Variants in TRAK2 observed in about 807,000 individuals in gnomAD.
The protein encoded by TRAK2 is trafficking kinesin-binding protein 2.
In TRAK2, 81 loss-of-function variants were observed where a neutral mutation model predicts 104.6. The observed-to-expected ratio is 0.77, with a 90% CI of 0.65 to 0.93. The LOEUF (loss-of-function observed/expected upper bound fraction) is 0.93. Ranked by LOEUF, TRAK2 falls within the 40% of genes least tolerant of loss-of-function variation. The pLI, the probability that TRAK2 is intolerant of heterozygous loss-of-function variation, is 0.00. For missense variants in TRAK2, 1,002 were observed against 1,089.0 expected (o/e 0.92, Z 1.12); for synonymous variants, 406 against 394.4 (o/e 1.03, Z -0.35).
At chr2:201,407,630 T>C in intron 2 of TRAK2, 33 bp from the exon 3 acceptor site, 1 of 1,550,354 alleles carries the variant, frequency 6.5e-7, no homozygotes, top group Non-Finnish European at 8.7e-7. Flanking sequence ...ATGAATCCAA[T>C]ATATTTCAAC....
At position 201,418,064 on chromosome 2, in the gene TRAK2, A is replaced by G. The variant is rs1951708762; in HGVS notation, c.91+2353T>C. On this transcript the variant is annotated intron_variant, in intron 2 of 15. Coordinates refer to ENST00000332624, the MANE Select transcript of TRAK2 (RefSeq NM_015049.3). ...TTAAAGAGGACCTAAGTAAATGGAGATATATATCAAGTTTATGGATTAGGA... is the reference window on the plus strand; with the variant it reads ...TTAAAGAGGACCTAAGTAAATGGAGGTATATATCAAGTTTATGGATTAGGA... Among the ~76,000 whole-genome samples, 3 of 152,338 alleles carry G rather than the reference A, an allele frequency of 2.0e-5. No individual in the cohort carries two copies. In the South Asian group the frequency reaches 6.2e-4, roughly 32 times the overall value.
chr2:201,380,907 G>A lies in TRAK2; in HGVS notation c.2381C>T (p.Pro794Leu), dbSNP rs764123220. The A allele has an allele frequency of 2.5e-6, 4 of 1,614,110 alleles. No individual in the cohort carries two copies. Among genetic ancestry groups the A allele is most frequent in the Non-Finnish European group, 2.5e-6 (3 of 1,180,002 alleles). The change falls in exon 16 of 16, where the codon CCT becomes CTT. Residue 794 changes from proline (P) to leucine (L), a missense_variant. Coordinates refer to ENST00000332624, the MANE Select transcript of TRAK2 (RefSeq NM_015049.3). ...SPCPSPLPFE[P>L]RVHLSENFLA... ...AAAATTTTCAGAGAGATGCACTCGAGGCTCAAAGGGTAAAGGAGAAGGGCA... is the reference window on the plus strand; with the variant it reads ...AAAATTTTCAGAGAGATGCACTCGAAGCTCAAAGGGTAAAGGAGAAGGGCA...
chr2:201,390,231 T>G (rs1951433056), intron 10 of TRAK2, among the ~76,000 whole-genome samples: 1 of 151,792 alleles, frequency 6.6e-6, no homozygotes, highest in African/African-American at 2.4e-5. Context: ...TTTCTGTAAT[T>G]TCTAGCTTTT....
intron 11 of TRAK2, 23 bp downstream of exon 11, chr2:201,389,778 C>G: frequency 6.3e-7 from 1 of 1,574,982 alleles, no homozygotes; most frequent in Non-Finnish European, 8.6e-7. Context: ...GATTGAGTAA[C>G]AACACATGTG....
At chr2:201,389,941 A>C in intron 10 of TRAK2, 61 bp from the exon 11 acceptor site, 3 of 1,267,850 alleles carry the variant, frequency 2.4e-6, no homozygotes, top group African/African-American at 3.0e-5. Flanking sequence ...CAGAGTCTCT[A>C]CAATCCTATA....
At chr2:201,393,794 G>A (rs1050046390) in intron 9 of TRAK2, among the ~76,000 whole-genome samples, 8 of 152,114 alleles carry the variant, frequency 5.3e-5, no homozygotes, top group Non-Finnish European at 1.2e-4. Context: ...GTTGCCCAGG[G>A]TTGAGTGCAG....
At chr2:201,386,510 G>A (rs961619894) in intron 13 of TRAK2, 26 bp from the exon 14 acceptor site, 8 of 1,608,366 alleles carry the variant, frequency 5.0e-6, no homozygotes, top group Non-Finnish European at 6.8e-6. Context: ...AAAGGAAGGG[G>A]AAAGGCATGT....
chr2:201,398,080 T>C, intron 6 of TRAK2, 65 bp downstream of exon 6: 2 of 1,464,230 alleles, frequency 1.4e-6, no homozygotes, highest in East Asian at 2.3e-5. Context: ...TTCACCTCAA[T>C]AGTACCTGGA....
In TRAK2 at chr2:201,395,357, G is replaced by A. The variant is rs1951492300; in HGVS notation, c.857C>T (p.Ser286Phe). Residue 286 changes from serine (S) to phenylalanine (F), a missense_variant, in exon 8 of 16, where the codon TCT becomes TTT. By Grantham distance (155) the Ser-to-Phe change is radical (BLOSUM62 -2). Coordinates refer to ENST00000332624, the MANE Select transcript of TRAK2 (RefSeq NM_015049.3). ...ELIRYQEELS[S>F]LLSQIVDLQH... Reference sequence around the variant, plus strand: ...AAGGTCTACAATCTGTGACAAAAGAGAGGAAAGCTCTTCTTGGTATCGAAT... The same window carrying A: ...AAGGTCTACAATCTGTGACAAAAGAAAGGAAAGCTCTTCTTGGTATCGAAT... 1 of 1,605,172 alleles carries A rather than the reference G, an allele frequency of 6.2e-7. No homozygotes were observed. The highest frequency in any genetic ancestry group is 8.5e-7 in the Non-Finnish European group (1 of 1,173,668).
chr2:201,413,265 A>G lies in TRAK2; in HGVS notation c.92-5668T>C, dbSNP rs2125651824. 9.1e-6 allele frequency: 12 copies of G among 1,322,452 alleles called. 1 individual carries two copies. The South Asian group carries it at 1.4e-4, about 16-fold the overall frequency. 81.9% of individuals were successfully genotyped at this position (1,322,452 alleles called of 1,614,324 possible). A position where few individuals can be genotyped will look rare whatever the true frequency, so the allele number is the denominator to read the frequency against. On this transcript the variant is annotated intron_variant, in intron 2 of 15. Transcript: ENST00000332624. The stretch of plus-strand genomic sequence containing the variant: ...TACAGCACTAGTGACATCAGCTGTT[A>G]CTTCTGTAACAGTACTCTTCAATTT...
In TRAK2 at chr2:201,395,295, A is replaced by G. The variant is rs1397344853; in HGVS notation, c.900+19T>C. 1 of 1,592,206 alleles carries G rather than the reference A, an allele frequency of 6.3e-7. No homozygotes were observed. Among genetic ancestry groups the G allele is most frequent in the Non-Finnish European group, 8.6e-7 (1 of 1,162,694 alleles). On this transcript the variant is annotated intron_variant, in intron 8 of 15. Transcript: ENST00000332624. The stretch of plus-strand genomic sequence containing the variant: ...GTGAGTGCTTAACAAATATCTGTTG[A>G]ATGAATGAATAAACCTACTTCTTTA...
chr2:201,433,072 T>C (rs1951855048), intron 1 of TRAK2, among the ~76,000 whole-genome samples: 1 of 152,224 alleles, frequency 6.6e-6, no homozygotes, highest in Non-Finnish European at 1.5e-5. Context: ...TCACTAATTT[T>C]AATGTATCTG....
chr2:201,413,271 G>C (rs1951663819), intron 2 of TRAK2: 4 of 1,310,108 alleles, frequency 3.1e-6, no homozygotes, highest in South Asian at 2.4e-5. Flanking sequence ...TGTTACTTCT[G>C]TAACAGTACT....
chr2:201,380,365 C>A lies in TRAK2; in HGVS notation c.*178G>T. 4 of 663,536 alleles carry A rather than the reference C, an allele frequency of 6.0e-6. No individual in the cohort carries two copies. The South Asian group carries it at 7.9e-5, about 13-fold the overall frequency. The allele number at this position is 663,536 out of a possible 1,614,324, so 41.1% of individuals were successfully genotyped here. A position where few individuals can be genotyped will look rare whatever the true frequency, so the allele number is the denominator to read the frequency against. On this transcript the variant is annotated 3_prime_UTR_variant, in exon 16 of 16. Coordinates refer to ENST00000332624, the MANE Select transcript of TRAK2 (RefSeq NM_015049.3). ...CCCATTCATTTATACTTTCAATTTG[C>A]CCGACTTCCTCCATTAGGGCTCATC...
chr2:201,417,581 A>C (rs1240863080), intron 2 of TRAK2, among the ~76,000 whole-genome samples: 1 of 152,190 alleles, frequency 6.6e-6, no homozygotes, highest in Non-Finnish European at 1.5e-5. Context: ...GAAGAGAAGG[A>C]TATCTTCTCA....
rs1951970435 is a variant in TRAK2 at position 201,447,079 on chromosome 2, C to T, written c.-200+4271G>A. Among the ~76,000 whole-genome samples the T allele has an allele frequency of 6.6e-6, 1 of 152,210 alleles. No homozygotes were observed. The highest frequency in any genetic ancestry group is 1.5e-5 in the Non-Finnish European group (1 of 68,028). On this transcript the variant is annotated intron_variant, in intron 1 of 15. Coordinates refer to ENST00000332624, the MANE Select transcript of TRAK2 (RefSeq NM_015049.3). The surrounding 1 kb of genome is among the most constrained non-coding windows in gnomAD (Gnocchi z 4.1). ...CCTGTGGCACTAGCTACCTTGGTTA[C>T]CTTGTCTCCGGTCTTATTACCTTTC...
chr2:201,443,940 C>A (rs1201383134), intron 1 of TRAK2, among the ~76,000 whole-genome samples: 1 of 152,204 alleles, frequency 6.6e-6, no homozygotes, highest in Non-Finnish European at 1.5e-5. Flanking sequence ...GTGGCTCACG[C>A]CTGTAATCCC....
At position 201,384,210 on chromosome 2, in the gene TRAK2, G is replaced by C. The variant is rs142149505; in HGVS notation, c.1970C>G (p.Thr657Ser). 389 of 1,611,738 alleles carry C rather than the reference G, an allele frequency of 2.4e-4. 1 individual carries two copies. In the African/African-American group the frequency reaches 4.4e-3, roughly 18 times the overall value. ...CGACAGGCACTTTCCTGGGTTGGCG[G>C]TTGCAACTGAAATAGATTTTTAGGG... ...TSAGGPVTVA[T>S]ANPGKCLSCT... Residue 657 changes from threonine (T) to serine (S), a missense_variant, in exon 15 of 16, where the codon ACC becomes AGC. Thr to Ser is a moderately conservative substitution (Grantham distance 58). Transcript: ENST00000332624.
intron 1 of TRAK2, among the ~76,000 whole-genome samples, chr2:201,443,136 C>A (rs756115788): frequency 1.3e-5 from 2 of 152,086 alleles, no homozygotes; most frequent in Non-Finnish European, 2.9e-5. Context: ...TTCCCCTCTA[C>A]CTACCCTCTG....
Sources: allele counts gnomAD v4.1 joint callset (sites outside exome capture counted in the v4.1 genomes callset), GRCh38; gene constraint gnomAD v4.1.1; non-coding constraint Gnocchi (gnomAD v3.1); transcripts MANE v1.5; gene names NCBI Gene and HGNC (gene_info 2026-07-23, HGNC 2026-07-21).